ANTXR2: variants seen among roughly 807,000 people sequenced by gnomAD.
The protein encoded by ANTXR2 is anthrax toxin receptor 2.
A neutral mutation model predicts 73.7 loss-of-function variants in ANTXR2; 44 were observed. That is an observed-to-expected ratio of 0.60 (90% confidence interval 0.47 to 0.77). ANTXR2 has a LOEUF of 0.77. Ranked by LOEUF, ANTXR2 falls within the 30% of genes least tolerant of loss-of-function variation. The pLI is 0.00. For missense variants in ANTXR2, 604 were observed against 592.5 expected, an observed-to-expected ratio of 1.02 and a Z score of -0.20; for synonymous variants, 217 against 205.9, an observed-to-expected ratio of 1.05 and a Z score of -0.46.
At chr4:79,959,464 A>G (rs1357724115) in intron 16 of ANTXR2, among the ~76,000 whole-genome samples, 1 of 152,164 alleles carries the variant, frequency 6.6e-6, no homozygotes, top group East Asian at 1.9e-4. Context: ...ATTCTTAATT[A>G]TAATAAAACT....
intron 13 of ANTXR2, among the ~76,000 whole-genome samples, chr4:79,984,206 G>A (rs1367305966): frequency 6.6e-6 from 1 of 151,970 alleles, no homozygotes; most frequent in Non-Finnish European, 1.5e-5. Context: ...TCATCCCTAG[G>A]TAACTAGAAG....
intron 7 of ANTXR2, among the ~76,000 whole-genome samples, chr4:80,049,380 C>T (rs1733672185): frequency 6.6e-6 from 1 of 151,754 alleles, no homozygotes. Flanking sequence ...GTCATGCAAT[C>T]ACCTTCCCAA....
intron 10 of ANTXR2, among the ~76,000 whole-genome samples, chr4:80,027,374 GA>G (rs1270963058): frequency 5.9e-5 from 9 of 151,906 alleles, no homozygotes; most frequent in Non-Finnish European, 1.0e-4. Context: ...AAAAGTTGAA[GA>G]AAATAAAAAG....
At position 80,055,266 on chromosome 4, in the gene ANTXR2, G is replaced by T. The variant is rs11730210; in HGVS notation, c.487-48C>A. The T allele has an allele frequency of 0.46, 707,036 of 1,543,182 alleles. 165,776 individuals are homozygous for T. Among genetic ancestry groups the T allele is most frequent in the Non-Finnish European group, 0.49 (552,403 of 1,133,104 alleles). On this transcript the variant is annotated intron_variant, in intron 5 of 16. Transcript: ENST00000403729. ...GAGAGAAAAAAAGAGAGGGGAGAGGGAGAAAGTGAATTATTCAAATATCAA... is the reference window on the plus strand; with the variant it reads ...GAGAGAAAAAAAGAGAGGGGAGAGGTAGAAAGTGAATTATTCAAATATCAA...
intron 12 of ANTXR2, among the ~76,000 whole-genome samples, chr4:80,003,011 C>G (rs1322099151): frequency 7.0e-6 from 1 of 142,566 alleles, no homozygotes; most frequent in East Asian, 2.2e-4. Context: ...GGCCATTCCT[C>G]AGGGATCTAG....
chr4:79,933,903 T>C (rs1378205042), intron 16 of ANTXR2, among the ~76,000 whole-genome samples: 2 of 151,330 alleles, frequency 1.3e-5, no homozygotes, highest in African/African-American at 4.9e-5. Context: ...CCCGGCTAAT[T>C]TTGTTTTTGT....
At chr4:80,045,228 AG>A (rs1287012860) in intron 7 of ANTXR2, among the ~76,000 whole-genome samples, 1 of 151,818 alleles carries the variant, frequency 6.6e-6, no homozygotes, top group Non-Finnish European at 1.5e-5. Context: ...AAAAGAGAAA[AG>A]GGGTATTAAC....
chr4:80,033,104 A>G (rs1732776937), intron 9 of ANTXR2, among the ~76,000 whole-genome samples: 1 of 151,936 alleles, frequency 6.6e-6, no homozygotes, highest in African/African-American at 2.4e-5. Context: ...AGAAGCAATT[A>G]AATCATGTGT....
chr4:79,994,886 G>T (rs1730650867), intron 12 of ANTXR2, among the ~76,000 whole-genome samples: 1 of 151,858 alleles, frequency 6.6e-6, no homozygotes, highest in Admixed American at 6.6e-5. Flanking sequence ...TATTCTCATT[G>T]TTAAAATGCC....
intron 16 of ANTXR2, among the ~76,000 whole-genome samples, chr4:79,909,656 AAAT>A (rs550496488): frequency 6.6e-6 from 1 of 151,984 alleles, no homozygotes; most frequent in South Asian, 2.1e-4. Context: ...AAAAAAAAAA[AAAT>A]AAAGAAAAAC....
intron 3 of ANTXR2, among the ~76,000 whole-genome samples, chr4:80,065,991 G>A (rs1209218442): frequency 6.6e-6 from 1 of 152,144 alleles, no homozygotes; most frequent in Non-Finnish European, 1.5e-5. Flanking sequence ...ATTCACAATA[G>A]TTGTGGAATC....
At chr4:80,046,095 A>G (rs1008136780) in intron 7 of ANTXR2, among the ~76,000 whole-genome samples, 7 of 151,822 alleles carry the variant, frequency 4.6e-5, no homozygotes, top group Non-Finnish European at 1.0e-4. Flanking sequence ...TTACCCTAAG[A>G]GAACTGTGGA....
intron 6 of ANTXR2, 58 bp downstream of exon 6, chr4:80,055,092 C>T: frequency 1.4e-6 from 2 of 1,445,892 alleles, no homozygotes; most frequent in Non-Finnish European, 1.9e-6. Flanking sequence ...ATTTGTTAAA[C>T]TATCCTTAAG....
intron 16 of ANTXR2, among the ~76,000 whole-genome samples, chr4:79,927,156 C>T (rs996931744): frequency 7.3e-5 from 11 of 150,726 alleles, no homozygotes; most frequent in African/African-American, 2.0e-4. Context: ...CTGTGGCAAG[C>T]GAACAAAAAC....
Position 79,907,219 on chromosome 4 carries a change from T to G in ANTXR2, c.*210A>C. On this transcript the variant is annotated 3_prime_UTR_variant, in exon 17 of 17. Coordinates refer to ENST00000403729, the MANE Select transcript of ANTXR2 (RefSeq NM_058172.6). ...CATAAATCATGAGTTACCACTGAGTTTCATCACCTCCCATGTAGATGGCAG... is the reference window on the plus strand; with the variant it reads ...CATAAATCATGAGTTACCACTGAGTGTCATCACCTCCCATGTAGATGGCAG... 1.7e-6 allele frequency: 1 copy of G among 601,386 alleles called. No individual in the cohort carries two copies. 37.3% of individuals were successfully genotyped at this position (601,386 alleles called of 1,614,324 possible).
chr4:79,912,608 T>C (rs1727189563), intron 16 of ANTXR2, among the ~76,000 whole-genome samples: 1 of 152,082 alleles, frequency 6.6e-6, no homozygotes, highest in Admixed American at 6.6e-5. Context: ...AACTATATGG[T>C]AAGCAAAGTA....
chr4:79,947,560 G>C lies in ANTXR2; in HGVS notation c.1428+30061C>G, dbSNP rs1033930162. 2.0e-5 allele frequency among the ~76,000 whole-genome samples: 3 copies of C among 152,162 alleles called. No individual in the cohort carries two copies. In the East Asian group the frequency reaches 5.8e-4, roughly 29 times the overall value. ...GTCAAAAACACTTACTGCACAAGCA[G>C]AGACCTGTGTTTCCTTTGCCACAGA... On this transcript the variant is annotated intron_variant, in intron 16 of 16. Coordinates refer to ENST00000403729, the MANE Select transcript of ANTXR2 (RefSeq NM_058172.6).
At chr4:79,944,616 C>G (rs1022375965) in intron 16 of ANTXR2, among the ~76,000 whole-genome samples, 1 of 152,046 alleles carries the variant, frequency 6.6e-6, no homozygotes, top group Admixed American at 6.6e-5. Flanking sequence ...CTATACTATG[C>G]TTGTCACAAT....
At chr4:80,041,455 AT>A (rs961502819) in intron 7 of ANTXR2, among the ~76,000 whole-genome samples, 3 of 151,484 alleles carry the variant, frequency 2.0e-5, no homozygotes, top group African/African-American at 4.8e-5. Context: ...TTTTCTCAAA[AT>A]TTTTTTTTAA....
Sources: gnomAD v4.1 joint callset for allele counts (sites outside exome capture counted in the v4.1 genomes callset) on GRCh38, gnomAD v4.1.1 for gene constraint, MANE v1.5 for transcripts, NCBI Gene and HGNC (gene_info 2026-07-23, HGNC 2026-07-21) for gene names.